The following TMEM182 variants were observed in gnomAD, a reference collection of about 807,000 sequenced individuals.
TMEM182 encodes the protein transmembrane protein 182.
Under a neutral mutation model 26.8 loss-of-function variants are expected in TMEM182, and 20 were observed. The ratio of observed to expected loss-of-function variants is 0.75; its 90% CI spans 0.53 to 1.09. The LOEUF is 1.09. TMEM182 is among the 50% of genes least tolerant of loss of function. The pLI, the probability that TMEM182 is intolerant of heterozygous loss-of-function variation, is 0.00. For synonymous variants in TMEM182, 109 were observed against 102.2 expected (o/e 1.07, Z -0.40); for missense variants, 277 against 275.5 (o/e 1.01, Z -0.04).
At chr2:102,780,359 A>G (rs1050964108) in intron 3 of TMEM182, among the ~76,000 whole-genome samples, 2 of 152,076 alleles carry the variant, frequency 1.3e-5, no homozygotes, top group African/African-American at 4.8e-5. Context: ...TGTGGTAGAG[A>G]GAGGCTCCCT....
chr2:102,831,281 T>C (rs1009431494), intron 3 of TMEM182, among the ~76,000 whole-genome samples: 3 of 152,212 alleles, frequency 2.0e-5, no homozygotes, highest in African/African-American at 7.2e-5. Context: ...CCCTAGTCGT[T>C]GTACTAATTT....
chr2:102,762,618 T>TGG lies in TMEM182; in HGVS notation c.164_165insGG (p.Phe55LeufsTer44). 1 of 1,614,002 alleles carries TGG rather than the reference T, an allele frequency of 6.2e-7. No homozygotes were observed. The highest frequency in any genetic ancestry group is 8.5e-7 in the Non-Finnish European group (1 of 1,179,934). Reference sequence around the variant, plus strand: ...AACGTCACTTTTCACCATGAAGGGTTCTTCTGGAGGTGTTGGTTTAATGGG... The same window carrying TGG: ...AACGTCACTTTTCACCATGAAGGGTTGGCTTCTGGAGGTGTTGGTTTAATGGG... On this transcript the variant is annotated frameshift_variant, in exon 2 of 5. Coordinates refer to ENST00000412401, the MANE Select transcript of TMEM182 (RefSeq NM_144632.5). LOFTEE classifies it high-confidence loss of function.
chr2:102,777,063 G>GT (rs1339086237), intron 3 of TMEM182, among the ~76,000 whole-genome samples: 2 of 133,958 alleles, frequency 1.5e-5, no homozygotes, highest in Admixed American at 7.5e-5. Context: ...TTGGATACAT[G>GT]TTTTTAAAAA....
chr2:102,759,924 G>A (rs10172680), upstream of TMEM182, among the ~76,000 whole-genome samples: 25,338 of 152,104 alleles, frequency 0.17, 2,190 homozygotes, highest in East Asian at 0.2. Context: ...ACAGGTTCCC[G>A]GGTTTTCATG....
chr2:102,814,641 GA>G, intron 4 of TMEM182, 106 bp from the exon 5 acceptor site: 1 of 954,012 alleles, frequency 1.0e-6, no homozygotes, highest in Non-Finnish European at 1.5e-6. Flanking sequence ...GATTTTGCTA[GA>G]AATGTATTTG....
intron 4 of TMEM182, among the ~76,000 whole-genome samples, chr2:102,805,100 A>G (rs761482998): frequency 1.1e-4 from 16 of 152,224 alleles, no homozygotes; most frequent in Non-Finnish European, 2.2e-4. Flanking sequence ...CTTGCTTAAT[A>G]TTATATAGAA....
intron 3 of TMEM182, chr2:102,775,365 A>C (rs1680867316): frequency 6.6e-6 from 1 of 152,190 alleles, no homozygotes; most frequent in African/African-American, 2.4e-5. Flanking sequence ...CTCTCAATAA[A>C]TTAGGTATTG....
chr2:102,757,251 T>G (rs1174531580), upstream of TMEM182, among the ~76,000 whole-genome samples: 1 of 152,174 alleles, frequency 6.6e-6, no homozygotes, highest in Non-Finnish European at 1.5e-5. Flanking sequence ...TGCCTCCTCA[T>G]TTAGACTTGG....
chr2:102,815,374 C>T lies in TMEM182; in HGVS notation c.*406C>T, dbSNP rs1281737254. 1.0e-6 allele frequency: 1 copy of T among 997,436 alleles called. No individual in the cohort carries two copies. Among genetic ancestry groups the T allele is most frequent in the African/African-American group, 1.7e-5 (1 of 57,328 alleles). The allele number at this position is 997,436 out of a possible 1,614,324, so 61.8% of individuals were successfully genotyped here. ...TCCTTGAAGAATAATTAAGAATGGGCAAGGTTGTCAGAGAATTTATTTTGT... is the reference window on the plus strand; with the variant it reads ...TCCTTGAAGAATAATTAAGAATGGGTAAGGTTGTCAGAGAATTTATTTTGT... On this transcript the variant is annotated 3_prime_UTR_variant, in exon 5 of 5. Coordinates refer to ENST00000412401, the MANE Select transcript of TMEM182 (RefSeq NM_144632.5).
chr2:102,785,369 T>C (rs540548503), intron 3 of TMEM182, among the ~76,000 whole-genome samples: 1 of 152,358 alleles, frequency 6.6e-6, no homozygotes, highest in African/African-American at 2.4e-5. Context: ...TTCTCTATTC[T>C]GGCATAATAA....
chr2:102,792,947 C>T (rs1055012003), intron 3 of TMEM182, among the ~76,000 whole-genome samples: 3 of 152,170 alleles, frequency 2.0e-5, no homozygotes, highest in African/African-American at 7.2e-5. Flanking sequence ...CTGTTTCTTC[C>T]TCTGCTTCAT....
At chr2:102,787,325 C>G (rs1195913882) in intron 3 of TMEM182, among the ~76,000 whole-genome samples, 1 of 152,210 alleles carries the variant, frequency 6.6e-6, no homozygotes, top group Admixed American at 6.5e-5. Flanking sequence ...GCAGGGCTCT[C>G]TTCAGGGTTG....
intron 3 of TMEM182, among the ~76,000 whole-genome samples, chr2:102,796,215 A>G (rs1282673782): frequency 1.3e-5 from 2 of 152,212 alleles, no homozygotes; most frequent in African/African-American, 4.8e-5. Context: ...ATCCATGAGG[A>G]AAAAAGAAGA....
At chr2:102,771,292 A>G (rs1680658833) in intron 3 of TMEM182, among the ~76,000 whole-genome samples, 1 of 152,286 alleles carries the variant, frequency 6.6e-6, no homozygotes, top group African/African-American at 2.4e-5. Flanking sequence ...ATCACCACAG[A>G]CACAGTATCA....
At chr2:102,756,835 AG>A (rs1470398885) in intron 1 of TMEM182, among the ~76,000 whole-genome samples, 1 of 150,690 alleles carries the variant, frequency 6.6e-6, no homozygotes, top group Non-Finnish European at 1.5e-5. Context: ...TTTTTTTGAG[AG>A]GGAGTCTCAC....
At chr2:102,760,993 T>C (rs545093813), upstream of TMEM182, among the ~76,000 whole-genome samples, 10 of 152,230 alleles carry the variant, frequency 6.6e-5, no homozygotes, top group African/African-American at 2.2e-4. Flanking sequence ...ACAGAATCCA[T>C]TGTAAGGATC....
intron 1 of TMEM182, among the ~76,000 whole-genome samples, chr2:102,754,111 T>G (rs1679964950): frequency 6.6e-6 from 1 of 152,128 alleles, no homozygotes; most frequent in African/African-American, 2.4e-5. Flanking sequence ...GTTTCAATAA[T>G]TATCATAGGG....
At position 102,793,052 on chromosome 2, in the gene TMEM182, C is replaced by A. The variant is rs375946213; in HGVS notation, c.332-4811C>A. On this transcript the variant is annotated intron_variant, in intron 3 of 4. Transcript: ENST00000412401. The stretch of plus-strand genomic sequence containing the variant: ...CCGTCTGTGTGACCTGGTTCAGGAT[C>A]CCTGAGCCTGGGCTTCCCTGGCTCA... Among the ~76,000 whole-genome samples, 15 of 152,270 alleles carry A rather than the reference C, an allele frequency of 9.9e-5. No individual in the cohort carries two copies. In the South Asian group the frequency reaches 2.9e-3, roughly 29 times the overall value.
intron 3 of TMEM182, among the ~76,000 whole-genome samples, chr2:102,824,048 G>A (rs1321002816): frequency 6.6e-6 from 1 of 152,188 alleles, no homozygotes; most frequent in African/African-American, 2.4e-5. Context: ...CAGAAAGAGG[G>A]TTTTAAAAAT....
Sources: gnomAD v4.1 joint callset for allele counts (sites outside exome capture counted in the v4.1 genomes callset) on GRCh38, gnomAD v4.1.1 for gene constraint, MANE v1.5 for transcripts, NCBI Gene and HGNC (gene_info 2026-07-23, HGNC 2026-07-21) for gene names.